The following PCDH9 variants were observed in gnomAD, a reference collection of about 807,000 sequenced individuals.
PCDH9 encodes the protein protocadherin-9.
A neutral mutation model predicts 70.6 loss-of-function variants in PCDH9; 24 were observed. The observed-to-expected ratio is 0.34, with a 90% CI of 0.25 to 0.48. The LOEUF is 0.48. Ranked by LOEUF, PCDH9 falls within the 20% of genes least tolerant of loss-of-function variation. The pLI is 0.99. For missense variants in PCDH9, 1,281 were observed against 1,503.6 expected (o/e 0.85, Z 2.45); for synonymous variants, 562 against 558.5 (o/e 1.01, Z -0.09).
intron 2 of PCDH9, among the ~76,000 whole-genome samples, chr13:67,013,328 T>G (rs921508318): frequency 6.6e-6 from 1 of 151,202 alleles, no homozygotes; most frequent in Non-Finnish European, 1.5e-5. Flanking sequence ...TCCTGAAATA[T>G]GGATCATACT....
chr13:66,683,852 C>CT (rs35642469), intron 3 of PCDH9, among the ~76,000 whole-genome samples: 48,725 of 151,898 alleles, frequency 0.32, 8,560 homozygotes, highest in East Asian at 0.51. Flanking sequence ...AAGTTAAGCC[C>CT]TTTTTTCACA....
intron 3 of PCDH9, among the ~76,000 whole-genome samples, chr13:66,892,031 C>A (rs1352834349): frequency 9.9e-5 from 15 of 151,654 alleles, no homozygotes; most frequent in Admixed American, 9.9e-4. Flanking sequence ...CCTATTAAAA[C>A]TTGAAATATT....
At chr13:67,113,479 C>T (rs536296279) in intron 2 of PCDH9, among the ~76,000 whole-genome samples, 9 of 152,116 alleles carry the variant, frequency 5.9e-5, no homozygotes, top group African/African-American at 1.9e-4. Context: ...TTCCTCTCGT[C>T]ATTAATAATT....
chr13:66,745,653 G>A (rs74093169), intron 3 of PCDH9, among the ~76,000 whole-genome samples: 2,224 of 152,242 alleles, frequency 0.015, 64 homozygotes, highest in African/African-American at 0.051. Flanking sequence ...AATGTTAACA[G>A]TCTGTCTAGA....
chr13:66,677,456 C>A (rs1036244855), intron 3 of PCDH9, among the ~76,000 whole-genome samples: 55 of 152,084 alleles, frequency 3.6e-4, no homozygotes, highest in African/African-American at 1.2e-3. Context: ...TGTCCCCACC[C>A]AAATCTCATG....
In PCDH9 at chr13:67,225,671, G is replaced by A; in HGVS notation, c.2770C>T (p.Pro924Ser). 6.2e-7 allele frequency: 1 copy of A among 1,614,152 alleles called. No homozygotes were observed. Among genetic ancestry groups the A allele is most frequent in the Non-Finnish European group, 8.5e-7 (1 of 1,180,030 alleles). Reference protein sequence around the residue: ...SIGRFDWGPAPPTTFKPNSPD... With the variant: ...SIGRFDWGPASPTTFKPNSPD... ...CTGTTAGGCTTGAATGTTGTTGGAG[G>A]TGCCGGGCCCCAGTCAAATCTTCCT... The change falls in exon 2 of 5, where the codon CCT becomes TCT. Residue 924 changes from proline (P) to serine (S), a missense_variant. By Grantham distance (74) the Pro-to-Ser change is moderately conservative. Around this residue, in one of 4 missense-constraint regions of PCDH9, gnomAD observed 207 missense variants for 191.8 expected, o/e 1.08. Coordinates refer to ENST00000377865, the MANE Select transcript of PCDH9 (RefSeq NM_203487.3).
intron 3 of PCDH9, among the ~76,000 whole-genome samples, chr13:66,875,107 C>T (rs1284637184): frequency 6.6e-6 from 1 of 152,082 alleles, no homozygotes; most frequent in African/African-American, 2.4e-5. Flanking sequence ...ATTGTACCAC[C>T]TACAGGGTCA....
intron 2 of PCDH9, among the ~76,000 whole-genome samples, chr13:67,019,188 CTTTTTT>C (rs60154161): frequency 1.3e-4 from 13 of 102,710 alleles, no homozygotes; most frequent in African/African-American, 3.3e-4. Flanking sequence ...GGCAGTTGCT[CTTTTTT>C]TTTTTTTTTT....
At chr13:66,892,486 T>A (rs1276898105) in intron 3 of PCDH9, among the ~76,000 whole-genome samples, 1 of 152,068 alleles carries the variant, frequency 6.6e-6, no homozygotes. Flanking sequence ...AGAGCAGTAT[T>A]TGTGCAATCA....
intron 4 of PCDH9, among the ~76,000 whole-genome samples, chr13:66,547,787 C>T (rs183983952): frequency 1.8e-3 from 265 of 150,360 alleles, no homozygotes; most frequent in Middle Eastern, 7.2e-3. Context: ...AGATAGAATG[C>T]GCATTTTTAA....
intron 2 of PCDH9, among the ~76,000 whole-genome samples, chr13:66,998,461 A>G (rs2084168435): frequency 6.6e-6 from 1 of 152,130 alleles, no homozygotes; most frequent in East Asian, 1.9e-4. Flanking sequence ...TCCTATTGTG[A>G]TTCCAACCTG....
Position 66,767,489 on chromosome 13 carries a change from T to C in PCDH9, c.3138+136015A>G, listed in dbSNP as rs557823851. Among the ~76,000 whole-genome samples, 18 of 152,282 alleles carry C rather than the reference T, an allele frequency of 1.2e-4. No homozygotes were observed. The East Asian group carries it at 2.1e-3, about 18-fold the overall frequency. ...ATTAGTAACTGGGGACTCTGGTTTA[T>C]ATACATTTCTGTTAGTTTATGCCAG... On this transcript the variant is annotated intron_variant, in intron 3 of 4. Coordinates refer to ENST00000377865, the MANE Select transcript of PCDH9 (RefSeq NM_203487.3).
chr13:66,460,801 ACT>A (rs1487886750), intron 4 of PCDH9, among the ~76,000 whole-genome samples: 3 of 151,688 alleles, frequency 2.0e-5, no homozygotes, highest in Non-Finnish European at 2.9e-5. Flanking sequence ...TGCCTAAACT[ACT>A]CCAGCATGTA....
intron 3 of PCDH9, among the ~76,000 whole-genome samples, chr13:66,747,434 A>C (rs2079387792): frequency 6.6e-6 from 1 of 152,208 alleles, no homozygotes; most frequent in South Asian, 2.1e-4. Flanking sequence ...AACTCTTTTC[A>C]TCAAAATATT....
Position 67,170,751 on chromosome 13 carries a change from C to G in PCDH9, c.3036+54654G>C, listed in dbSNP as rs536735662. On this transcript the variant is annotated intron_variant, in intron 2 of 4. Coordinates refer to ENST00000377865, the MANE Select transcript of PCDH9 (RefSeq NM_203487.3). ...ACCAGCCTAGGCAACATGGTGAAAC[C>G]CTGCCGCTACTAAAAATACAAAAAT... Among the ~76,000 whole-genome samples the G allele has an allele frequency of 3.3e-5, 5 of 152,082 alleles. No homozygotes were observed. In the East Asian group the frequency reaches 7.7e-4, roughly 24 times the overall value.
intron 4 of PCDH9, among the ~76,000 whole-genome samples, chr13:66,475,129 G>A (rs1248125662): frequency 6.6e-6 from 1 of 152,022 alleles, no homozygotes; most frequent in African/African-American, 2.4e-5. Context: ...ATAACAACAT[G>A]CTTTTCTCAT....
chr13:66,770,717 A>T (rs890135105), intron 3 of PCDH9, among the ~76,000 whole-genome samples: 1 of 152,220 alleles, frequency 6.6e-6, no homozygotes, highest in Admixed American at 6.5e-5. Flanking sequence ...CCTGCCAGAC[A>T]GCCTCTTCTA....
At chr13:66,416,921 T>C (rs945709738) in intron 4 of PCDH9, among the ~76,000 whole-genome samples, 8 of 152,156 alleles carry the variant, frequency 5.3e-5, no homozygotes, top group Non-Finnish European at 7.3e-5. Context: ...GAGATGTGCA[T>C]CCCAAGGAAT....
At chr13:66,887,494 T>C (rs1253946129) in intron 3 of PCDH9, among the ~76,000 whole-genome samples, 2 of 152,180 alleles carry the variant, frequency 1.3e-5, no homozygotes, top group Non-Finnish European at 2.9e-5. Flanking sequence ...TAAAGGCATT[T>C]TGAAATTTTC....
Sources: allele counts gnomAD v4.1 joint callset (sites outside exome capture counted in the v4.1 genomes callset), GRCh38; gene constraint gnomAD v4.1.1; regional missense constraint gnomAD v4.1.1; transcripts MANE v1.5; gene names NCBI Gene and HGNC (gene_info 2026-07-23, HGNC 2026-07-21).